Variants in ADA2 observed in about 807,000 individuals in gnomAD.
ADA2 encodes adenosine deaminase CECR1.
ADA2 carries 29 observed loss-of-function variants against 44.2 expected under a neutral mutation model. That is an observed-to-expected ratio of 0.66 (90% CI 0.49 to 0.89). ADA2 has a LOEUF of 0.89. ADA2 is among the 40% of genes least tolerant of loss of function. The probability of loss-of-function intolerance (pLI) is 0.00; values close to 1 mark genes in which losing one functional copy is unlikely to be tolerated. For synonymous variants in ADA2, 215 were observed against 234.9 expected (o/e 0.92, Z 0.77); for missense variants, 637 against 644.8 (o/e 0.99, Z 0.13).
intron 1 of ADA2, among the ~76,000 whole-genome samples, chr22:17,215,891 G>T (rs2062465814): frequency 6.6e-6 from 1 of 151,808 alleles, no homozygotes; most frequent in African/African-American, 2.4e-5. Context: ...CTTGAGCCTA[G>T]AAGTTGAAGA....
At chr22:17,214,263 C>A in intron 1 of ADA2, 1 of 307,368 alleles carries the variant, frequency 3.3e-6, no homozygotes, top group South Asian at 3.7e-5. Context: ...TTACACACAC[C>A]CTCGCATCTT....
At chr22:17,196,437 A>C (rs2123675360) in intron 4 of ADA2, among the ~76,000 whole-genome samples, 1 of 152,300 alleles carries the variant, frequency 6.6e-6, no homozygotes. Flanking sequence ...ATTTTTAAGA[A>C]TATAAAGAGG....
chr22:17,194,897 C>T (rs1268548952), intron 4 of ADA2, among the ~76,000 whole-genome samples: 7 of 151,968 alleles, frequency 4.6e-5, no homozygotes, highest in Non-Finnish European at 1.0e-4. Flanking sequence ...CTTTGCCCAC[C>T]TCATCTGCCT....
At chr22:17,186,938 G>T (rs140629658) in intron 7 of ADA2, among the ~76,000 whole-genome samples, 1 of 151,528 alleles carries the variant, frequency 6.6e-6, no homozygotes, top group Non-Finnish European at 1.5e-5. Context: ...AGGCCTAGAC[G>T]GGTGGATCAC....
At chr22:17,194,019 G>A (rs1230241878) in intron 4 of ADA2, among the ~76,000 whole-genome samples, 117 of 122,942 alleles carry the variant, frequency 9.5e-4, no homozygotes, top group Admixed American at 1.0e-3. Flanking sequence ...AAAAAGGAAT[G>A]AAAAAAAAAA....
intron 2 of ADA2, 101 bp downstream of exon 2, chr22:17,209,255 C>G: frequency 2.0e-6 from 2 of 995,402 alleles, no homozygotes; most frequent in Non-Finnish European, 3.0e-6. Context: ...GAGGCTTTCT[C>G]TGCTCCATCT....
chr22:17,203,585 T>G lies in ADA2; in HGVS notation c.731A>C (p.Glu244Ala), dbSNP rs749413894. Reference sequence around the variant, plus strand: ...CACCGGCAGCAGCCTGGCTCTGATCTCCATGTAGAGCACGTTGTCCTCGTA... The same window carrying G: ...CACCGGCAGCAGCCTGGCTCTGATCGCCATGTAGAGCACGTTGTCCTCGTA... ...EFYEDNVLYM[E>A]IRARLLPVYE... Residue 244 changes from glutamate (E) to alanine (A), a missense_variant, in exon 4 of 10, where the codon GAG becomes GCG. Coordinates refer to ENST00000399837, the MANE Select transcript of ADA2 (RefSeq NM_001282225.2). 4.3e-6 allele frequency: 7 copies of G among 1,612,496 alleles called. No individual in the cohort carries two copies. The highest frequency in any genetic ancestry group is 5.9e-6 in the Non-Finnish European group (7 of 1,179,886).
chr22:17,189,400 C>T (rs1200730297), intron 6 of ADA2, among the ~76,000 whole-genome samples: 1 of 152,118 alleles, frequency 6.6e-6, no homozygotes, highest in African/African-American at 2.4e-5. Context: ...AATGACAACA[C>T]CTATGAATGT....
At chr22:17,213,198 G>A (rs2062435616) in intron 1 of ADA2, among the ~76,000 whole-genome samples, 2 of 152,264 alleles carry the variant, frequency 1.3e-5, no homozygotes, top group African/African-American at 4.8e-5. Context: ...AACAGATGCT[G>A]GTGAGGATGT....
At chr22:17,197,606 G>A (rs1264612281) in intron 4 of ADA2, among the ~76,000 whole-genome samples, 2 of 152,180 alleles carry the variant, frequency 1.3e-5, no homozygotes, top group African/African-American at 4.8e-5. Context: ...CACTACCAGA[G>A]TATCATTCAC....
In ADA2 at chr22:17,207,266, A is replaced by G. The variant is rs2123709522; in HGVS notation, c.347T>C (p.Ile116Thr). The G allele has an allele frequency of 6.2e-7, 1 of 1,609,212 alleles. No homozygotes were observed. Among genetic ancestry groups the G allele is most frequent in the Non-Finnish European group, 8.5e-7 (1 of 1,176,092 alleles). Residue 116 changes from isoleucine to threonine, a missense_variant, in exon 3 of 10, where the codon ATT becomes ACT. Physicochemically the swap from Ile to Thr is moderately conservative, Grantham distance 89. Coordinates refer to ENST00000399837, the MANE Select transcript of ADA2 (RefSeq NM_001282225.2). ...CAGCCAGTCCATAGTCACGATGCCA[A>G]TGTCATGGAGGTGCAAGGCAGCCCC... ...PKGAALHLHDIGIVTMDWLVR... is the reference protein window; with the variant it reads ...PKGAALHLHDTGIVTMDWLVR...
chr22:17,207,374 A>G, intron 2 of ADA2, 84 bp from the exon 3 acceptor site: 2 of 1,000,592 alleles, frequency 2.0e-6, no homozygotes, highest in South Asian at 3.0e-5. Context: ...GGAGGGGGTG[A>G]AGTCCCATCC....
chr22:17,208,607 A>G (rs2062382137), intron 2 of ADA2, among the ~76,000 whole-genome samples: 1 of 151,794 alleles, frequency 6.6e-6, no homozygotes, highest in South Asian at 2.1e-4. Context: ...GTTCGAGATC[A>G]GCCTGGCCAA....
rs2061940289 is a variant in ADA2 at position 17,179,012 on chromosome 22, C to G, written c.*2471G>C. ...TATGGTTGCTGTTTTTTCCCAGTTC[C>G]AGGAACCAAATGGTGATAAACTAGG... On this transcript the variant is annotated 3_prime_UTR_variant, in exon 10 of 10. Coordinates refer to ENST00000399837, the MANE Select transcript of ADA2 (RefSeq NM_001282225.2). The G allele has an allele frequency of 6.6e-6, 1 of 152,230 alleles. No individual in the cohort carries two copies. Among genetic ancestry groups the G allele is most frequent in the Admixed American group, 6.6e-5 (1 of 15,258 alleles). The allele number at this position is 152,230 out of a possible 1,614,324, so 9.4% of individuals were successfully genotyped here.
intron 1 of ADA2, chr22:17,214,039 CAAAA>C (rs35502604): frequency 4.7e-3 from 1,347 of 283,596 alleles, no homozygotes; most frequent in South Asian, 6.4e-3. Context: ...AACTCTGTCT[CAAAA>C]AAAAAAAAAA....
At chr22:17,217,088 A>T (rs925925152) in intron 1 of ADA2, among the ~76,000 whole-genome samples, 1 of 152,164 alleles carries the variant, frequency 6.6e-6, no homozygotes, top group African/African-American at 2.4e-5. Context: ...TAAAAACAGC[A>T]AAGCCGAATG....
intron 1 of ADA2, among the ~76,000 whole-genome samples, chr22:17,218,477 C>G (rs2062493620): frequency 6.6e-6 from 1 of 152,126 alleles, no homozygotes; most frequent in South Asian, 2.1e-4. Flanking sequence ...TTGCCTGCTA[C>G]TAAAATCTCT....
chr22:17,199,415 C>T, intron 4 of ADA2: 3 of 902,228 alleles, frequency 3.3e-6, no homozygotes, highest in Non-Finnish European at 1.8e-6. Flanking sequence ...GTCTCAGCGT[C>T]TCCTCCCTCC....
chr22:17,216,675 G>C (rs922406975), intron 1 of ADA2, among the ~76,000 whole-genome samples: 7 of 151,358 alleles, frequency 4.6e-5, no homozygotes, highest in African/African-American at 1.7e-4. Context: ...CAGGAAACTT[G>C]CTTGAACCCA....
Sources: gnomAD v4.1 joint callset for allele counts (sites outside exome capture counted in the v4.1 genomes callset) on GRCh38, gnomAD v4.1.1 for gene constraint, MANE v1.5 for transcripts, NCBI Gene and HGNC (gene_info 2026-07-23, HGNC 2026-07-21) for gene names.